The following PTPRR variants were observed in gnomAD, a reference collection of about 807,000 sequenced individuals.
The protein encoded by PTPRR is protein tyrosine phosphatase receptor type R.
In PTPRR, 38 loss-of-function variants were observed where a neutral mutation model predicts 77.2. That is an observed-to-expected ratio of 0.49 (90% CI 0.38 to 0.65). The LOEUF (loss-of-function observed/expected upper bound fraction) is 0.65. PTPRR is among the 30% of genes least tolerant of loss of function. The pLI is 0.00. For synonymous variants in PTPRR, 299 were observed against 283.1 expected (o/e 1.06, Z -0.57); for missense variants, 744 against 799.2 (o/e 0.93, Z 0.83).
intron 1 of PTPRR, among the ~76,000 whole-genome samples, chr12:70,898,889 G>T (rs1893482364): frequency 6.6e-6 from 1 of 151,300 alleles, no homozygotes; most frequent in Non-Finnish European, 1.5e-5. Flanking sequence ...AGAAATGAAA[G>T]GAGGGATATC....
intron 5 of PTPRR, among the ~76,000 whole-genome samples, chr12:70,747,464 T>C (rs1220432973): frequency 6.6e-6 from 1 of 152,204 alleles, no homozygotes; most frequent in Non-Finnish European, 1.5e-5. Context: ...ATGAGAACAT[T>C]TGCTTGCCTG....
intron 2 of PTPRR, among the ~76,000 whole-genome samples, chr12:70,798,584 C>A (rs1891556752): frequency 6.6e-6 from 1 of 152,314 alleles, no homozygotes; most frequent in Middle Eastern, 3.4e-3. Context: ...TCCAGCCACA[C>A]TGGCCTAGTT....
At position 70,719,052 on chromosome 12, in the gene PTPRR, G is replaced by A. The variant is rs1485789772; in HGVS notation, c.1008-17729C>T. Among the ~76,000 whole-genome samples, 3 of 151,920 alleles carry A rather than the reference G, an allele frequency of 2.0e-5. No individual in the cohort carries two copies. The East Asian group carries it at 5.8e-4, about 29-fold the overall frequency. ...TAGAGTTCATTTACTGAATACTCCT[G>A]ACCGGTTCCTGGAGTTCAGATCCAC... On this transcript the variant is annotated intron_variant, in intron 6 of 13. Coordinates refer to ENST00000283228, the MANE Select transcript of PTPRR (RefSeq NM_002849.4).
At chr12:70,660,870 C>A in intron 12 of PTPRR, 70 bp downstream of exon 12, 1 of 1,447,116 alleles carries the variant, frequency 6.9e-7, no homozygotes, top group Non-Finnish European at 9.2e-7. Context: ...GCAAAACCCA[C>A]TTGCACCTGC....
intron 2 of PTPRR, among the ~76,000 whole-genome samples, chr12:70,877,744 A>T (rs938740301): frequency 6.6e-6 from 1 of 152,184 alleles, no homozygotes; most frequent in Non-Finnish European, 1.5e-5. Context: ...ATTGGAAAAA[A>T]ACTACTTCAA....
chr12:70,805,549 T>TA (rs1891695332), intron 2 of PTPRR, among the ~76,000 whole-genome samples: 4 of 152,100 alleles, frequency 2.6e-5, no homozygotes, highest in African/African-American at 4.8e-5. Flanking sequence ...TGTGCAGAGA[T>TA]AGAGTCTGCC....
At chr12:70,738,333 A>C (rs1889940002) in intron 6 of PTPRR, among the ~76,000 whole-genome samples, 1 of 152,046 alleles carries the variant, frequency 6.6e-6, no homozygotes, top group African/African-American at 2.4e-5. Flanking sequence ...GCCTACTGAG[A>C]CCTCCGTTTT....
chr12:70,683,455 T>TA lies in PTPRR; in HGVS notation c.1497+671dup, dbSNP rs563534872. 4.0e-3 allele frequency among the ~76,000 whole-genome samples: 613 copies of TA among 152,308 alleles called. 7 individuals carry two copies. Among genetic ancestry groups the TA allele is most frequent in the South Asian group, 0.029 (140 of 4,826 alleles). On this transcript the variant is annotated intron_variant, in intron 10 of 13. Coordinates refer to ENST00000283228, the MANE Select transcript of PTPRR (RefSeq NM_002849.4). ...CAAATTCTGTCTTTCTTGGATTTCT[T>TA]ATTATGAAGATATTGAGAAAGTTGA...
intron 5 of PTPRR, among the ~76,000 whole-genome samples, chr12:70,752,290 G>A (rs1052821625): frequency 6.6e-6 from 1 of 152,166 alleles, no homozygotes; most frequent in Non-Finnish European, 1.5e-5. Flanking sequence ...CCAATAGAGA[G>A]CAATCACCTA....
intron 13 of PTPRR, among the ~76,000 whole-genome samples, chr12:70,646,107 C>A (rs542016675): frequency 2.6e-5 from 4 of 152,240 alleles, no homozygotes; most frequent in African/African-American, 7.2e-5. Context: ...ATCTGGAATT[C>A]TTTTGGTAAA....
intron 1 of PTPRR, among the ~76,000 whole-genome samples, chr12:70,899,641 C>T (rs1893497210): frequency 1.3e-5 from 2 of 151,436 alleles, no homozygotes; most frequent in South Asian, 2.1e-4. Context: ...ACTGAATCTT[C>T]CCCTTCTAAG....
intron 5 of PTPRR, among the ~76,000 whole-genome samples, chr12:70,751,653 C>T (rs185513550): frequency 3.3e-5 from 5 of 152,192 alleles, no homozygotes; most frequent in Non-Finnish European, 7.4e-5. Flanking sequence ...GTTTCTTCTT[C>T]ATAGCACTTA....
chr12:70,649,720 G>A (rs1165508830), intron 13 of PTPRR, among the ~76,000 whole-genome samples: 1 of 152,058 alleles, frequency 6.6e-6, no homozygotes, highest in Non-Finnish European at 1.5e-5. Flanking sequence ...GACTACAGGT[G>A]TGCACCACCA....
chr12:70,890,639 C>T lies in PTPRR; in HGVS notation c.357+2040G>A, dbSNP rs181965271. Among the ~76,000 whole-genome samples the T allele has an allele frequency of 1.8e-3, 273 of 152,218 alleles. 1 individual carries two copies. Among genetic ancestry groups the T allele is most frequent in the African/African-American group, 6.4e-3 (264 of 41,548 alleles). ...TGCCTATAATTTCTCCAGTTCAAGA[C>T]ACTGATAGTCAGAACATGGTCTATT... On this transcript the variant is annotated intron_variant, in intron 2 of 13. Coordinates refer to ENST00000283228, the MANE Select transcript of PTPRR (RefSeq NM_002849.4).
intron 2 of PTPRR, among the ~76,000 whole-genome samples, chr12:70,817,157 T>A (rs1316177704): frequency 1.3e-5 from 2 of 152,258 alleles, no homozygotes; most frequent in Non-Finnish European, 2.9e-5. Context: ...TAAACTATTT[T>A]AAAAAAGTAA....
At chr12:70,660,690 G>A (rs1235289106) in intron 12 of PTPRR, among the ~76,000 whole-genome samples, 1 of 152,152 alleles carries the variant, frequency 6.6e-6, no homozygotes, top group Non-Finnish European at 1.5e-5. Flanking sequence ...TGTTCACTGA[G>A]CCATTTATTA....
At chr12:70,829,576 T>G (rs1266753525) in intron 2 of PTPRR, among the ~76,000 whole-genome samples, 31 of 152,226 alleles carry the variant, frequency 2.0e-4, no homozygotes, top group Admixed American at 2.0e-3. Context: ...TATTGTAGTA[T>G]TATTTGCCAT....
At chr12:70,715,492 T>C (rs1888990402) in intron 6 of PTPRR, among the ~76,000 whole-genome samples, 1 of 152,152 alleles carries the variant, frequency 6.6e-6, no homozygotes, top group Non-Finnish European at 1.5e-5. Context: ...GGGAATTTCT[T>C]CTTCCCAATA....
chr12:70,675,803 T>C (rs1490275015), intron 10 of PTPRR, among the ~76,000 whole-genome samples: 1 of 151,988 alleles, frequency 6.6e-6, no homozygotes, highest in East Asian at 1.9e-4. Context: ...TTGTTGGGTA[T>C]AAAGTTCTGG....
Sources: gnomAD v4.1 joint callset for allele counts (sites outside exome capture counted in the v4.1 genomes callset) on GRCh38, gnomAD v4.1.1 for gene constraint, MANE v1.5 for transcripts, NCBI Gene and HGNC (gene_info 2026-07-23, HGNC 2026-07-21) for gene names.